TMEM132D: variants seen among roughly 807,000 people sequenced by gnomAD.
TMEM132D encodes the protein transmembrane protein 132D, also known as mature OL transmembrane protein.
A neutral mutation model predicts 62.3 loss-of-function variants in TMEM132D; 21 were observed. The ratio of observed to expected loss-of-function variants is 0.34; its 90% CI spans 0.24 to 0.49. The LOEUF is 0.49. Ranked by LOEUF, TMEM132D falls within the 20% of genes least tolerant of loss-of-function variation. The probability of loss-of-function intolerance (pLI) is 0.99; values close to 1 mark genes in which losing one functional copy is unlikely to be tolerated. For missense variants in TMEM132D, 1,346 were observed against 1,402.8 expected (o/e 0.96, Z 0.65); for synonymous variants, 621 against 575.6 (o/e 1.08, Z -1.13).
intron 2 of TMEM132D, among the ~76,000 whole-genome samples, chr12:129,554,187 C>T (rs547986199): frequency 6.6e-4 from 101 of 152,274 alleles, no homozygotes; most frequent in African/African-American, 2.4e-3. Context: ...CACTCTTTGG[C>T]CACACCAAGC....
In TMEM132D at chr12:129,700,160, G is replaced by T. The variant is rs372463803; in HGVS notation, c.618C>A (p.Pro206=). ...LELLSSWFSP[P]TVVAGRRKSV... Reference sequence around the variant, plus strand: ...ACTTCCTCCTCCCGGCAACCACCGTGGGGGGGCTGAACCAGCTGGACAGGA... The same window carrying T: ...ACTTCCTCCTCCCGGCAACCACCGTTGGGGGGCTGAACCAGCTGGACAGGA... The change falls in exon 2 of 9, where the codon CCC becomes CCA. Residue 206 remains proline (P), a synonymous_variant. Coordinates refer to ENST00000422113, the MANE Select transcript of TMEM132D (RefSeq NM_133448.3). The T allele has an allele frequency of 1.2e-4, 190 of 1,612,820 alleles. 1 individual carries two copies. The Admixed American group carries it at 2.9e-3, about 24-fold the overall frequency.
intron 2 of TMEM132D, among the ~76,000 whole-genome samples, chr12:129,692,399 T>C (rs950248351): frequency 6.6e-6 from 1 of 152,246 alleles, no homozygotes; most frequent in Non-Finnish European, 1.5e-5. Context: ...CGTTTGTTTT[T>C]TCTTGTGAAT....
intron 3 of TMEM132D, among the ~76,000 whole-genome samples, chr12:129,343,920 G>C (rs1056801617): frequency 6.6e-6 from 1 of 152,174 alleles, no homozygotes; most frequent in Non-Finnish European, 1.5e-5. Flanking sequence ...CTGGGTGACA[G>C]AGCGAGACCC....
intron 3 of TMEM132D, among the ~76,000 whole-genome samples, chr12:129,474,619 T>G (rs1874205316): frequency 6.6e-6 from 1 of 152,216 alleles, no homozygotes; most frequent in Non-Finnish European, 1.5e-5. Context: ...ACTGCCAGCC[T>G]TCTCGTCCCT....
chr12:129,410,427 T>G (rs1871934012), intron 3 of TMEM132D, among the ~76,000 whole-genome samples: 2 of 152,218 alleles, frequency 1.3e-5, no homozygotes, highest in Admixed American at 1.3e-4. Flanking sequence ...TGGCACGATC[T>G]CAGCTCACTG....
rs540986032 is a variant in TMEM132D, at chr12:129,629,672, A to T, written c.968+70138T>A. 1.8e-3 allele frequency among the ~76,000 whole-genome samples: 281 copies of T among 152,006 alleles called. 1 individual carries two copies. The highest frequency in any genetic ancestry group is 6.8e-3 in the Middle Eastern group (2 of 294). On this transcript the variant is annotated intron_variant, in intron 2 of 8. Coordinates refer to ENST00000422113, the MANE Select transcript of TMEM132D (RefSeq NM_133448.3). ...CCCAACAGTTAATGCCTAATAATAA[A>T]AAAAAAAAACTATACAAACAAACAC...
chr12:129,886,689 G>A (rs1481203975), intron 1 of TMEM132D, among the ~76,000 whole-genome samples: 1 of 152,114 alleles, frequency 6.6e-6, no homozygotes, highest in East Asian at 1.9e-4. Flanking sequence ...AGAAACACAG[G>A]GCACTCTTTG....
chr12:129,283,692 A>G (rs185583666), intron 4 of TMEM132D, among the ~76,000 whole-genome samples: 2 of 152,338 alleles, frequency 1.3e-5, no homozygotes, highest in Admixed American at 1.3e-4. Flanking sequence ...ATTAGGGAGC[A>G]GGGCTCCTAT....
intron 1 of TMEM132D, among the ~76,000 whole-genome samples, chr12:129,743,317 T>C (rs2137260882): frequency 6.6e-6 from 1 of 152,286 alleles, no homozygotes; most frequent in East Asian, 1.9e-4. Context: ...AGGGACCCAA[T>C]GGGAGATAAT....
chr12:129,305,183 C>T (rs1054958548), intron 4 of TMEM132D, among the ~76,000 whole-genome samples: 1 of 152,224 alleles, frequency 6.6e-6, no homozygotes, highest in Non-Finnish European at 1.5e-5. Flanking sequence ...TTTACATTAG[C>T]AGCCCCCTAA....
intron 1 of TMEM132D, among the ~76,000 whole-genome samples, chr12:129,825,072 G>A (rs185443850): frequency 1.2e-3 from 181 of 150,470 alleles, no homozygotes; most frequent in African/African-American, 4.2e-3. Context: ...GGAGTACAGT[G>A]GCATGATCTC....
chr12:129,704,489 G>A (rs1167192079), intron 1 of TMEM132D, among the ~76,000 whole-genome samples: 4 of 152,224 alleles, frequency 2.6e-5, no homozygotes, highest in African/African-American at 9.6e-5. Context: ...CCCTAACAGA[G>A]ACAGTGATGG....
intron 2 of TMEM132D, among the ~76,000 whole-genome samples, chr12:129,562,520 G>T (rs565602317): frequency 6.3e-4 from 96 of 152,176 alleles, no homozygotes; most frequent in Non-Finnish European, 1.2e-3. Context: ...TCATAGAAGG[G>T]TATAAATATC....
intron 3 of TMEM132D, among the ~76,000 whole-genome samples, chr12:129,343,972 C>A (rs1593344967): frequency 6.6e-6 from 1 of 152,022 alleles, no homozygotes; most frequent in Non-Finnish European, 1.5e-5. Flanking sequence ...TTGATTCTTG[C>A]AAAACATAGT....
intron 1 of TMEM132D, among the ~76,000 whole-genome samples, chr12:129,791,378 T>C (rs1871396525): frequency 6.6e-6 from 1 of 152,256 alleles, no homozygotes; most frequent in African/African-American, 2.4e-5. Flanking sequence ...TTGTAGACTA[T>C]TAATAGATGC....
At chr12:129,669,011 G>T (rs1401004328) in intron 2 of TMEM132D, among the ~76,000 whole-genome samples, 1 of 152,162 alleles carries the variant, frequency 6.6e-6, no homozygotes, top group East Asian at 1.9e-4. Context: ...TCCTCAAGAG[G>T]AGAAGAATTT....
intron 3 of TMEM132D, among the ~76,000 whole-genome samples, chr12:129,372,052 G>A (rs1870619231): frequency 6.6e-6 from 1 of 152,178 alleles, no homozygotes; most frequent in Non-Finnish European, 1.5e-5. Flanking sequence ...AGATATTTCT[G>A]GAAGAGATTA....
chr12:129,109,044 C>T (rs1478897007), intron 5 of TMEM132D, among the ~76,000 whole-genome samples: 1 of 152,196 alleles, frequency 6.6e-6, no homozygotes, highest in Non-Finnish European at 1.5e-5. Context: ...AAAAACACAA[C>T]TTTGTACTAT....
chr12:129,861,145 GGAAT>G (rs1242980119), intron 1 of TMEM132D, among the ~76,000 whole-genome samples: 1 of 152,114 alleles, frequency 6.6e-6, no homozygotes, highest in Non-Finnish European at 1.5e-5. Flanking sequence ...CCATTCCAGT[GGAAT>G]GAAATGAAAA....
Sources: allele counts gnomAD v4.1 joint callset (sites outside exome capture counted in the v4.1 genomes callset), GRCh38; gene constraint gnomAD v4.1.1; transcripts MANE v1.5; gene names NCBI Gene and HGNC (gene_info 2026-07-23, HGNC 2026-07-21).